CLPP: variants seen among roughly 807,000 people sequenced by gnomAD.
CLPP encodes the protein ATP-dependent Clp protease proteolytic subunit, mitochondrial.
A neutral mutation model predicts 27.4 loss-of-function variants in CLPP; 14 were observed. That is an observed-to-expected ratio of 0.51 (90% CI 0.34 to 0.80). The LOEUF (loss-of-function observed/expected upper bound fraction) is 0.80, where lower values mean the gene tolerates loss of function less well. Among genes scored for constraint, CLPP ranks in the 30% least tolerant of loss-of-function variants. The pLI is 0.02. For synonymous variants in CLPP, 193 were observed against 166.6 expected (o/e 1.16, Z -1.22); for missense variants, 361 against 403.6 (o/e 0.89, Z 0.90).
In CLPP at chr19:6,366,362, C is replaced by G. The variant is rs116642585; in HGVS notation, c.660C>G (p.Ile220Met). The part of the protein sequence containing the change: ...AKHTKQSLQV[I>M]ESAMERDRYM... The stretch of plus-strand genomic sequence containing the variant: ...ACACCAAACAGAGCCTGCAGGTGAT[C>G]GGTAAGCACCCTCCTTTATTTCATC... The change falls in exon 5 of 6, where the codon ATC becomes ATG. Residue 220 changes from isoleucine (I) to methionine (M), a missense_variant and splice_region_variant. Coordinates refer to ENST00000245816, the MANE Select transcript of CLPP (RefSeq NM_006012.4). 2 of 1,604,386 alleles carry G rather than the reference C, an allele frequency of 1.2e-6. No homozygotes were observed. The highest frequency in any genetic ancestry group is 1.7e-6 in the Non-Finnish European group (2 of 1,173,204).
intron 2 of CLPP, 71 bp from the exon 3 acceptor site, chr19:6,362,375 C>T: frequency 9.4e-7 from 1 of 1,062,860 alleles, no homozygotes; most frequent in South Asian, 1.3e-5. Flanking sequence ...TTCCCTGACC[C>T]ATCCCCAGCC....
At chr19:6,363,123 G>A (rs1043850068) in intron 3 of CLPP, among the ~76,000 whole-genome samples, 5 of 137,792 alleles carry the variant, frequency 3.6e-5, no homozygotes, top group Non-Finnish European at 7.4e-5. Flanking sequence ...TATGATGGAG[G>A]CATTTTTTTT....
At chr19:6,364,761 C>G (rs2091853994) in intron 4 of CLPP, 122 bp downstream of exon 4, 2 of 942,168 alleles carry the variant, frequency 2.1e-6, no homozygotes, top group Non-Finnish European at 3.1e-6. Flanking sequence ...TGGAGTCTCA[C>G]TTTGTCGCCC....
In CLPP at chr19:6,361,885, C is replaced by T. The variant is rs779950917; in HGVS notation, c.215C>T (p.Ala72Val). ...VVEQTGRGER[A>V]YDIYSRLLRE... is the part of the protein sequence containing the mutation. Reference sequence around the variant, plus strand: ...TACCCCCAGGGTCGCGGCGAGCGCGCCTATGACATCTACTCGCGGCTGCTG... The same window carrying T: ...TACCCCCAGGGTCGCGGCGAGCGCGTCTATGACATCTACTCGCGGCTGCTG... The change falls in exon 2 of 6, where the codon GCC becomes GTC. Residue 72 changes from alanine to valine, a missense_variant. Transcript: ENST00000245816. 2.3e-5 allele frequency: 37 copies of T among 1,598,486 alleles called. No homozygotes were observed. The highest frequency in any genetic ancestry group is 2.9e-5 in the Non-Finnish European group (34 of 1,179,292).
chr19:6,368,146 C>T (rs1361306503), intron 5 of CLPP, among the ~76,000 whole-genome samples: 2 of 152,184 alleles, frequency 1.3e-5, no homozygotes, highest in African/African-American at 4.8e-5. Context: ...CTTAACAAAA[C>T]ACCACAGACC....
Position 6,361,865 on chromosome 19 carries a change from C to A in CLPP, c.199-4C>A, listed in dbSNP as rs755366480. 1.3e-6 allele frequency: 2 copies of A among 1,597,862 alleles called. No homozygotes were observed. Among genetic ancestry groups the A allele is most frequent in the Non-Finnish European group, 8.5e-7 (1 of 1,179,010 alleles). On this transcript the variant is annotated splice_polypyrimidine_tract_variant and splice_region_variant and intron_variant, in intron 1 of 5. Coordinates refer to ENST00000245816, the MANE Select transcript of CLPP (RefSeq NM_006012.4). ...GCCCCTCACCTCCATCTTTCTACCC[C>A]CAGGGTCGCGGCGAGCGCGCCTATG...
intron 5 of CLPP, among the ~76,000 whole-genome samples, chr19:6,368,204 G>T (rs2091871804): frequency 6.6e-6 from 1 of 152,086 alleles, no homozygotes. Flanking sequence ...GAAGTCCAAG[G>T]TCAGGGTGCC....
chr19:6,368,709 G>A lies in CLPP; in HGVS notation c.833G>A (p.Ter278=). The change falls in exon 6 of 6, where the codon TGA becomes TAA. Residue 278 remains the stop codon, a stop_retained_variant. Coordinates refer to ENST00000245816, the MANE Select transcript of CLPP (RefSeq NM_006012.4). The part of the protein sequence containing the change: ...PAAEPVPAST[*] ...GCAGAACCTGTCCCAGCTAGCACCT[G>A]AGAGCTGGGCCTCCTCTCCAGAATC... is the stretch of plus-strand genomic sequence containing the variant. 6.5e-7 allele frequency: 1 copy of A among 1,550,334 alleles called. No homozygotes were observed. The highest frequency in any genetic ancestry group is 1.2e-5 in the South Asian group (1 of 84,164).
intron 4 of CLPP, 90 bp downstream of exon 4, chr19:6,364,729 A>AT: frequency 9.9e-5 from 94 of 946,004 alleles, no homozygotes; most frequent in Non-Finnish European, 1.3e-4. Flanking sequence ...GTGGGAGGGG[A>AT]TGTTTTTTTT....
intron 5 of CLPP, among the ~76,000 whole-genome samples, chr19:6,366,846 G>A (rs2091864969): frequency 6.6e-6 from 1 of 151,810 alleles, no homozygotes; most frequent in Non-Finnish European, 1.5e-5. Flanking sequence ...GCCCAGGCTG[G>A]TCTCAAACTC....
chr19:6,361,774 T>C lies in CLPP; in HGVS notation c.198+2T>C, dbSNP rs1278961147. 1 of 1,551,744 alleles carries C rather than the reference T, an allele frequency of 6.4e-7. No homozygotes were observed. The highest frequency in any genetic ancestry group is 1.9e-5 in the Admixed American group (1 of 53,830). ...ATTCCCATCGTGGTGGAGCAGACGG[T>C]ACGGCGGCCGGGCGGGGACACGGTT... On this transcript the variant is annotated splice_donor_variant, in intron 1 of 5. Coordinates refer to ENST00000245816, the MANE Select transcript of CLPP (RefSeq NM_006012.4). LOFTEE classifies it high-confidence loss of function.
chr19:6,364,597 C>A lies in CLPP; in HGVS notation c.513C>A (p.Pro171=), dbSNP rs2091852827. ...AGTPGMRHSL[P]NSRIMIHQPS... is the part of the protein sequence containing the mutation. ...CCCCAGGCATGCGCCACTCGCTCCC[C>A]AACTCCCGTATCATGATCCACCAGC... Residue 171 remains proline (P), a synonymous_variant, in exon 4 of 6, where the codon CCC becomes CCA. Coordinates refer to ENST00000245816, the MANE Select transcript of CLPP (RefSeq NM_006012.4). The A allele has an allele frequency of 6.2e-7, 1 of 1,612,954 alleles. No individual in the cohort carries two copies.
intron 2 of CLPP, chr19:6,362,186 C>G: frequency 1.7e-6 from 1 of 600,102 alleles, no homozygotes; most frequent in Non-Finnish European, 3.0e-6. Flanking sequence ...CTCATTCCTA[C>G]GCTCAAGACT....
At chr19:6,363,125 A>ATTTT (rs1555719472) in intron 3 of CLPP, among the ~76,000 whole-genome samples, 3 of 136,520 alleles carry the variant, frequency 2.2e-5, no homozygotes, top group African/African-American at 5.4e-5. Context: ...TGATGGAGGC[A>ATTTT]TTTTTTTTTT....
At chr19:6,367,637 AGG>A (rs2145054596) in intron 5 of CLPP, among the ~76,000 whole-genome samples, 1 of 151,874 alleles carries the variant, frequency 6.6e-6, no homozygotes, top group Admixed American at 6.6e-5. Context: ...CTGGTCCTGT[AGG>A]GTATGTTCAG....
rs751283235 is a variant in CLPP, at chr19:6,364,564, C to A, written c.480C>A (p.Ala160=). ...CCAGCATGGGCTCCCTGCTTCTCGC[C>A]GCCGGCACCCCAGGCATGCGCCACT... is the stretch of plus-strand genomic sequence containing the variant. The part of the protein sequence containing the change: ...QAASMGSLLL[A]AGTPGMRHSL... The change falls in exon 4 of 6, where the codon GCC becomes GCA. Residue 160 remains alanine, a synonymous_variant. Coordinates refer to ENST00000245816, the MANE Select transcript of CLPP (RefSeq NM_006012.4). 1 of 1,612,948 alleles carries A rather than the reference C, an allele frequency of 6.2e-7. No homozygotes were observed. The highest frequency in any genetic ancestry group is 1.1e-5 in the South Asian group (1 of 91,064).
chr19:6,367,794 C>T (rs2091869877), intron 5 of CLPP, among the ~76,000 whole-genome samples: 1 of 151,396 alleles, frequency 6.6e-6, no homozygotes, highest in East Asian at 1.9e-4. Flanking sequence ...TCTCCACCTC[C>T]CAGATTTAAG....
Position 6,368,934 on chromosome 19 carries a change from C to G in CLPP, c.*224C>G, listed in dbSNP as rs1444339022. 18 of 570,778 alleles carry G rather than the reference C, an allele frequency of 3.2e-5. No individual in the cohort carries two copies. Among genetic ancestry groups the G allele is most frequent in the Non-Finnish European group, 5.6e-5 (18 of 319,556 alleles). 35.4% of individuals were successfully genotyped at this position (570,778 alleles called of 1,614,324 possible). A position where few individuals can be genotyped will look rare whatever the true frequency, so the allele number is the denominator to read the frequency against. ...CGTCTGGGACACCCTCCCTTCTGCA[C>G]CATGACAGCGTGTACACATCTGTGT... On this transcript the variant is annotated 3_prime_UTR_variant, in exon 6 of 6. Transcript: ENST00000245816.
intron 2 of CLPP, chr19:6,362,156 T>G: frequency 1.7e-6 from 1 of 594,206 alleles, no homozygotes; most frequent in Non-Finnish European, 3.0e-6. Context: ...ACTTCCTTCC[T>G]GACACCTGGC....
Sources: allele counts gnomAD v4.1 joint callset (sites outside exome capture counted in the v4.1 genomes callset), GRCh38; gene constraint gnomAD v4.1.1; transcripts MANE v1.5; gene names NCBI Gene and HGNC (gene_info 2026-07-23, HGNC 2026-07-21).